The following ZNF644 variants were observed in gnomAD, a reference collection of about 807,000 sequenced individuals.
ZNF644 encodes zinc finger motif enhancer binding protein 2.
In ZNF644, 20 loss-of-function variants were observed where a neutral mutation model predicts 108.0. That is an observed-to-expected ratio of 0.19 (90% CI 0.13 to 0.27). The LOEUF (loss-of-function observed/expected upper bound fraction) is 0.27. ZNF644 is among the 10% of genes least tolerant of loss of function. The pLI, the probability that ZNF644 is intolerant of heterozygous loss-of-function variation, is 1.00. For missense variants in ZNF644, 1,338 were observed against 1,548.9 expected (o/e 0.86, Z 2.29); for synonymous variants, 542 against 539.1 (o/e 1.01, Z -0.08).
In ZNF644 at chr1:90,939,649, T is replaced by C. The variant is rs1306080474; in HGVS notation, c.1705A>G (p.Lys569Glu). The change falls in exon 3 of 6, where the codon AAG becomes GAG. Residue 569 changes from lysine (K) to glutamate (E), a missense_variant. Lys to Glu is a moderately conservative substitution (Grantham distance 56, BLOSUM62 1). Coordinates refer to ENST00000337393, the MANE Select transcript of ZNF644 (RefSeq NM_201269.3). ...SDIAQRKTQK[K>E]TFMKDSVVGS... ...ACTACAGAGTCTTTCATGAAAGTCT[T>C]TTTTTGTGTTTTTCTCTGGGCAATA... The C allele has an allele frequency of 1.9e-6, 3 of 1,614,018 alleles. No homozygotes were observed. The highest frequency in any genetic ancestry group is 2.5e-6 in the Non-Finnish European group (3 of 1,179,928).
At chr1:90,968,201 G>A (rs1024471370) in intron 2 of ZNF644, among the ~76,000 whole-genome samples, 2 of 151,880 alleles carry the variant, frequency 1.3e-5, no homozygotes, top group Non-Finnish European at 2.9e-5. Context: ...CATGCCTCAT[G>A]ATCAGTTATT....
At chr1:90,941,529 C>G (rs894647623) in intron 2 of ZNF644, among the ~76,000 whole-genome samples, 11 of 152,102 alleles carry the variant, frequency 7.2e-5, no homozygotes, top group Admixed American at 7.2e-4. Flanking sequence ...CAACAACAGT[C>G]CAATACGTCA....
chr1:90,979,880 T>C (rs1656373978), intron 2 of ZNF644, among the ~76,000 whole-genome samples: 1 of 152,226 alleles, frequency 6.6e-6, no homozygotes, highest in Non-Finnish European at 1.5e-5. Context: ...ACTTTAGGTC[T>C]GAATTAAGAA....
At chr1:91,014,025 A>G (rs1420050945) in intron 1 of ZNF644, among the ~76,000 whole-genome samples, 1 of 152,182 alleles carries the variant, frequency 6.6e-6, no homozygotes, top group Non-Finnish European at 1.5e-5. Context: ...ATCTATTTAT[A>G]AATGCCCACA....
At chr1:90,994,423 C>G (rs1018376525) in intron 1 of ZNF644, among the ~76,000 whole-genome samples, 16 of 152,124 alleles carry the variant, frequency 1.1e-4, no homozygotes, top group Non-Finnish European at 8.8e-5. Flanking sequence ...CCTGAGAAAA[C>G]AGCTAGAAAT....
intron 5 of ZNF644, 68 bp downstream of exon 5, chr1:90,917,984 G>T: frequency 7.6e-7 from 1 of 1,317,564 alleles, no homozygotes; most frequent in Non-Finnish European, 1.1e-6. Context: ...AATCCCAAAT[G>T]AAATAGCTAA....
intron 1 of ZNF644, among the ~76,000 whole-genome samples, chr1:90,988,777 T>C (rs1657358315): frequency 6.6e-6 from 1 of 152,122 alleles, no homozygotes; most frequent in African/African-American, 2.4e-5. Context: ...GCCAATACTA[T>C]ACAGAGAGGA....
intron 2 of ZNF644, among the ~76,000 whole-genome samples, chr1:90,950,781 C>T (rs1653070193): frequency 1.3e-5 from 2 of 152,008 alleles, no homozygotes; most frequent in South Asian, 4.2e-4. Context: ...TATGTATGCC[C>T]CTGAAAGTAC....
intron 4 of ZNF644, among the ~76,000 whole-genome samples, chr1:90,922,991 AAAC>A (rs1045289949): frequency 1.8e-4 from 28 of 152,274 alleles, no homozygotes; most frequent in South Asian, 1.4e-3. Flanking sequence ...TTTTTTTAGA[AAAC>A]AACAACAACA....
chr1:90,979,296 A>AC (rs1656316246), intron 2 of ZNF644, among the ~76,000 whole-genome samples: 1 of 152,118 alleles, frequency 6.6e-6, no homozygotes, highest in African/African-American at 2.4e-5. Flanking sequence ...ACATAGTGAA[A>AC]CCCCATCTCT....
chr1:90,955,005 C>T (rs1335399391), intron 2 of ZNF644, among the ~76,000 whole-genome samples: 1 of 152,184 alleles, frequency 6.6e-6, no homozygotes, highest in Non-Finnish European at 1.5e-5. Flanking sequence ...ACTTCAAGGT[C>T]AAAATTATTC....
At chr1:90,950,565 C>T (rs969287293) in intron 2 of ZNF644, among the ~76,000 whole-genome samples, 1 of 150,678 alleles carries the variant, frequency 6.6e-6, no homozygotes, top group Admixed American at 6.6e-5. Flanking sequence ...TCTCTTGGCA[C>T]ACAACAAAAT....
chr1:91,009,522 GTATC>G (rs1275849878), intron 1 of ZNF644, among the ~76,000 whole-genome samples: 2 of 151,980 alleles, frequency 1.3e-5, no homozygotes, highest in Non-Finnish European at 2.9e-5. Flanking sequence ...TTTAAAACAA[GTATC>G]TATTTAAAAA....
At chr1:90,949,926 C>A (rs1652909501) in intron 2 of ZNF644, among the ~76,000 whole-genome samples, 1 of 151,992 alleles carries the variant, frequency 6.6e-6, no homozygotes, top group Non-Finnish European at 1.5e-5. Flanking sequence ...AGAATGTTTG[C>A]TTATACCACC....
intron 1 of ZNF644, among the ~76,000 whole-genome samples, chr1:90,990,154 G>A (rs887367673): frequency 6.6e-6 from 1 of 152,114 alleles, no homozygotes; most frequent in African/African-American, 2.4e-5. Context: ...AAAATCTGGG[G>A]GAGAGAGGAA....
chr1:90,959,736 G>A (rs563516012), intron 2 of ZNF644, among the ~76,000 whole-genome samples: 6 of 152,240 alleles, frequency 3.9e-5, no homozygotes, highest in South Asian at 4.1e-4. Context: ...AAGTGATTAC[G>A]TAATGAATAC....
chr1:90,930,526 G>T (rs992143903), intron 4 of ZNF644, among the ~76,000 whole-genome samples: 3 of 152,078 alleles, frequency 2.0e-5, no homozygotes, highest in Non-Finnish European at 4.4e-5. Flanking sequence ...ACTACCATTG[G>T]TCAGTACCAA....
intron 4 of ZNF644, among the ~76,000 whole-genome samples, chr1:90,919,891 T>C (rs1239658737): frequency 6.6e-6 from 1 of 152,070 alleles, no homozygotes; most frequent in East Asian, 1.9e-4. Flanking sequence ...GCATCATTTG[T>C]TTAAATATGT....
intron 1 of ZNF644, among the ~76,000 whole-genome samples, chr1:91,018,688 A>G (rs1267270299): frequency 6.6e-5 from 10 of 152,338 alleles, no homozygotes; most frequent in African/African-American, 2.4e-4. Flanking sequence ...CCAGAATCAC[A>G]TCCTGAGAAA....
Sources: allele counts gnomAD v4.1 joint callset (sites outside exome capture counted in the v4.1 genomes callset), GRCh38; gene constraint gnomAD v4.1.1; transcripts MANE v1.5; gene names NCBI Gene and HGNC (gene_info 2026-07-23, HGNC 2026-07-21).